QNG1: variants seen among roughly 807,000 people sequenced by gnomAD.
The protein encoded by QNG1 is queuosine 5'-phosphate N-glycosylase/hydrolase.
At chr9:83,950,315 A>C in the QNG1 span, among the ~76,000 whole-genome samples, 15,477 of 151,804 alleles carry the variant, frequency 0.1, 970 homozygotes, top group Non-Finnish European at 0.13. Flanking sequence ...CCCAAAGTGC[A>C]AGGATTACAG....
chr9:83,949,414 C>T, the QNG1 span, among the ~76,000 whole-genome samples: 9 of 152,098 alleles, frequency 5.9e-5, no homozygotes, highest in Admixed American at 4.6e-4. Flanking sequence ...GAGGCCGAGG[C>T]GGGTGGATCA....
At chr9:83,950,545 A>G in the QNG1 span, among the ~76,000 whole-genome samples, 1 of 151,436 alleles carries the variant, frequency 6.6e-6, no homozygotes, top group Non-Finnish European at 1.5e-5. Context: ...TTATAAAATA[A>G]TTGTCAATAA....
the QNG1 span, chr9:83,956,333 G>GTTCA: frequency 6.2e-7 from 1 of 1,613,476 alleles, no homozygotes; most frequent in Non-Finnish European, 8.5e-7. Flanking sequence ...CCGCCCTGGG[G>GTTCA]TTCAGCTCAT....
the QNG1 span, among the ~76,000 whole-genome samples, chr9:83,947,307 G>A: frequency 6.6e-6 from 1 of 151,920 alleles, no homozygotes; most frequent in Admixed American, 6.6e-5. Flanking sequence ...AAAAGTTTAA[G>A]GAAAGGCTCT....
chr9:83,947,192 T>G, the QNG1 span, among the ~76,000 whole-genome samples: 4 of 152,326 alleles, frequency 2.6e-5, no homozygotes, highest in South Asian at 8.3e-4. Flanking sequence ...TTAAATAATG[T>G]TTTATAAATG....
At chr9:83,950,998 T>C in the QNG1 span, among the ~76,000 whole-genome samples, 1 of 152,206 alleles carries the variant, frequency 6.6e-6, no homozygotes, top group East Asian at 1.9e-4. Flanking sequence ...CCAAGTGCGG[T>C]AGCTCATGCC....
At chr9:83,952,036 G>C in the QNG1 span, among the ~76,000 whole-genome samples, 1 of 152,142 alleles carries the variant, frequency 6.6e-6, no homozygotes, top group South Asian at 2.1e-4. Context: ...TTCCAGGCTG[G>C]AGTAAAGTGG....
the QNG1 span, among the ~76,000 whole-genome samples, chr9:83,954,968 C>T: frequency 2.0e-5 from 3 of 148,408 alleles, no homozygotes; most frequent in Admixed American, 6.8e-5. Flanking sequence ...GAGGCTGAGG[C>T]GACCAGATTA....
the QNG1 span, among the ~76,000 whole-genome samples, chr9:83,955,030 T>A: frequency 6.6e-6 from 1 of 151,572 alleles, no homozygotes; most frequent in African/African-American, 2.4e-5. Context: ...AAACCCCGTC[T>A]CTACTAAAAA....
At chr9:83,953,783 A>G in the QNG1 span, 1 of 1,548,454 alleles carries the variant, frequency 6.5e-7, no homozygotes, top group Non-Finnish European at 8.7e-7. Flanking sequence ...ATTTTACAAA[A>G]ACAAAATCCG....
the QNG1 span, chr9:83,939,837 T>G: frequency 1.2e-6 from 1 of 803,838 alleles, no homozygotes; most frequent in Non-Finnish European, 2.1e-6. Context: ...ATTTAAATGG[T>G]ACTCATTTTA....
chr9:83,939,725 C>T, the QNG1 span: 3 of 1,613,812 alleles, frequency 1.9e-6, no homozygotes, highest in Non-Finnish European at 2.5e-6. Flanking sequence ...TTGCCTGTCT[C>T]CATATGAGAG....
At chr9:83,947,686 G>A in the QNG1 span, among the ~76,000 whole-genome samples, 5 of 152,320 alleles carry the variant, frequency 3.3e-5, no homozygotes, top group African/African-American at 1.2e-4. Flanking sequence ...ACTGGTTTTT[G>A]TATTTTTTGG....
the QNG1 span, among the ~76,000 whole-genome samples, chr9:83,943,848 C>T: frequency 4.0e-5 from 6 of 151,444 alleles, no homozygotes; most frequent in Non-Finnish European, 7.4e-5. Flanking sequence ...GGTGAAACCC[C>T]GTTTCTGCTA....
the QNG1 span, among the ~76,000 whole-genome samples, chr9:83,947,940 A>C: frequency 4.1e-5 from 6 of 147,808 alleles, no homozygotes; most frequent in East Asian, 4.1e-4. Context: ...GCCACCCCGT[A>C]TGGGAAGTGA....
chr9:83,939,612 T>G, the QNG1 span: 1 of 1,613,310 alleles, frequency 6.2e-7, no homozygotes, highest in Admixed American at 1.7e-5. Flanking sequence ...AGAATGGAAT[T>G]GATCTCTCCA....
the QNG1 span, among the ~76,000 whole-genome samples, chr9:83,952,937 G>A: frequency 6.6e-6 from 1 of 150,538 alleles, no homozygotes; most frequent in Non-Finnish European, 1.5e-5. Context: ...TACAGCCTGG[G>A]TGACAGAGTG....
chr9:83,949,329 T>C, the QNG1 span, among the ~76,000 whole-genome samples: 3 of 152,208 alleles, frequency 2.0e-5, no homozygotes, highest in Non-Finnish European at 4.4e-5. Context: ...AGGTTTCTAG[T>C]TCAAGTCTAG....
the QNG1 span, among the ~76,000 whole-genome samples, chr9:83,952,019 C>T: frequency 6.6e-6 from 1 of 152,168 alleles, no homozygotes; most frequent in Admixed American, 6.5e-5. Flanking sequence ...GGGACAAGGT[C>T]TTGCTCTTCC....
Sources: allele counts gnomAD v4.1 joint callset (sites outside exome capture counted in the v4.1 genomes callset), GRCh38; gene constraint gnomAD v4.1.1; transcripts MANE v1.5; gene names NCBI Gene and HGNC (gene_info 2026-07-23, HGNC 2026-07-21).